CHMP7: variants seen among roughly 807,000 people sequenced by gnomAD.
CHMP7 encodes CHMP family, member 7.
Under a neutral mutation model 53.7 loss-of-function variants are expected in CHMP7, and 15 were observed. The observed-to-expected ratio is 0.28, with a 90% CI of 0.19 to 0.43. CHMP7 has a LOEUF of 0.43. Among genes scored for constraint, CHMP7 ranks in the 20% least tolerant of loss-of-function variants. CHMP7 has a pLI of 1.00. For missense variants in CHMP7, 527 were observed against 569.4 expected, an observed-to-expected ratio of 0.93 and a Z score of 0.76; for synonymous variants, 261 against 228.0, an observed-to-expected ratio of 1.14 and a Z score of -1.30.
intron 9 of CHMP7, 143 bp downstream of exon 9, chr8:23,259,269 C>T (rs1346477363): frequency 2.3e-5 from 11 of 468,802 alleles, no homozygotes; most frequent in Middle Eastern, 1.3e-3. Context: ...CCCGGGTTCA[C>T]GCCATTCTCC....
chr8:23,245,639 G>A (rs1315714493), intron 1 of CHMP7, among the ~76,000 whole-genome samples: 1 of 152,148 alleles, frequency 6.6e-6, no homozygotes, highest in Non-Finnish European at 1.5e-5. Context: ...TGCCTCATAG[G>A]ATCAGTTGGG....
At chr8:23,244,531 T>C (rs1267031187) in intron 1 of CHMP7, among the ~76,000 whole-genome samples, 2 of 152,240 alleles carry the variant, frequency 1.3e-5, no homozygotes, top group Non-Finnish European at 2.9e-5. Flanking sequence ...TACCACACTA[T>C]CTTGATTACT....
rs76900911 is a variant in CHMP7, at chr8:23,250,583, C to A, written c.471+1202C>A. Among the ~76,000 whole-genome samples, 37 of 151,374 alleles carry A rather than the reference C, an allele frequency of 2.4e-4. 1 individual carries two copies. In the East Asian group the frequency reaches 6.8e-3, roughly 28 times the overall value. Reference sequence around the variant, plus strand: ...TGGTGCAGACCTGCTTCAACCACCCCCTCCACCCAGACTGCTGTGGATGAG... The same window carrying A: ...TGGTGCAGACCTGCTTCAACCACCCACTCCACCCAGACTGCTGTGGATGAG... On this transcript the variant is annotated intron_variant, in intron 3 of 10. Transcript: ENST00000397677.
rs1401494644 is a variant in CHMP7, at chr8:23,249,245, C to A, written c.335C>A (p.Ala112Asp). The A allele has an allele frequency of 1.2e-6, 2 of 1,604,418 alleles. No homozygotes were observed. The highest frequency in any genetic ancestry group is 1.1e-5 in the South Asian group (1 of 89,844). Residue 112 changes from alanine to aspartate, a missense_variant, in exon 3 of 11, where the codon GCC becomes GAC. Ala to Asp is a moderately radical substitution (Grantham distance 126, BLOSUM62 -2). Coordinates refer to ENST00000397677, the MANE Select transcript of CHMP7 (RefSeq NM_152272.5). ...CTGCAGCGGGAGTCAGACTTCATGG[C>A]CAGTGTAGACAGCAGCTGGATCTCC... ...GELQRESDFM[A>D]SVDSSWISWG...
At chr8:23,245,766 G>A (rs556275759) in intron 1 of CHMP7, among the ~76,000 whole-genome samples, 1 of 152,274 alleles carries the variant, frequency 6.6e-6, no homozygotes, top group African/African-American at 2.4e-5. Flanking sequence ...TGCTTTCTGT[G>A]TGGATGTTGT....
intron 2 of CHMP7, among the ~76,000 whole-genome samples, chr8:23,247,771 A>G (rs1801765475): frequency 6.6e-6 from 1 of 152,190 alleles, no homozygotes; most frequent in Non-Finnish European, 1.5e-5. Flanking sequence ...TTACACAGCT[A>G]GTTAAAGGTG....
intron 3 of CHMP7, among the ~76,000 whole-genome samples, chr8:23,250,321 C>T (rs1801871224): frequency 6.6e-6 from 1 of 152,012 alleles, no homozygotes; most frequent in Non-Finnish European, 1.5e-5. Context: ...TAGTGTCCTT[C>T]CTCTGCCTCT....
chr8:23,259,282 C>T (rs549209942), intron 9 of CHMP7, among the ~76,000 whole-genome samples, 156 bp downstream of exon 9: 2 of 148,940 alleles, frequency 1.3e-5, no homozygotes, highest in Admixed American at 1.3e-4. Context: ...CATTCTCCTG[C>T]CTCAGCCTCC....
At position 23,251,467 on chromosome 8, in the gene CHMP7, A is replaced by G. The variant is rs542139718; in HGVS notation, c.471+2086A>G. ...TTGTCAACTCTAGTTCTTCCTGAAA[A>G]TCTTATTCACTTGTTTCTTGTCTGT... On this transcript the variant is annotated intron_variant, in intron 3 of 10. Transcript: ENST00000397677. Among the ~76,000 whole-genome samples, 7 of 152,262 alleles carry G rather than the reference A, an allele frequency of 4.6e-5. No homozygotes were observed. In the East Asian group the frequency reaches 1.3e-3, roughly 29 times the overall value.
rs529329624 is a variant in CHMP7 at position 23,258,635 on chromosome 8, A to T, written c.961-97A>T. On this transcript the variant is annotated intron_variant, in intron 7 of 10. Coordinates refer to ENST00000397677, the MANE Select transcript of CHMP7 (RefSeq NM_152272.5). ...GGGTAAATTGAGCTTGGGTGCCAAA[A>T]AAAACACCCCAAAGCTGCCTTTTGG... is the stretch of plus-strand genomic sequence containing the variant. 2.4e-6 allele frequency: 3 copies of T among 1,238,554 alleles called. No homozygotes were observed. The South Asian group carries it at 3.9e-5, about 16-fold the overall frequency. The allele number at this position is 1,238,554 out of a possible 1,614,324, so 76.7% of individuals were successfully genotyped here. A position where few individuals can be genotyped will look rare whatever the true frequency, so the allele number is the denominator to read the frequency against.
chr8:23,256,704 T>TTTTTC lies in CHMP7; in HGVS notation c.791+111_791+112insTTTTC. 8.6e-6 allele frequency: 7 copies of TTTTTC among 818,644 alleles called. No individual in the cohort carries two copies. The South Asian group carries it at 1.4e-4, about 17-fold the overall frequency. The allele number at this position is 818,644 out of a possible 1,614,324, so 50.7% of individuals were successfully genotyped here. ...AAAATAGGTGGGTTTTTTTTTTTTT[T>TTTTTC]AGCTAATTACAAAAGTACTCACTGC... On this transcript the variant is annotated intron_variant, in intron 5 of 10. Transcript: ENST00000397677.
At chr8:23,258,679 T>C (rs1802237833) in intron 7 of CHMP7, 53 bp from the exon 8 acceptor site, 7 of 1,349,082 alleles carry the variant, frequency 5.2e-6, no homozygotes, top group African/African-American at 1.4e-5. Flanking sequence ...CAATATTGTA[T>C]GTATTTTGCC....
At chr8:23,248,261 T>C (rs1447840288) in intron 2 of CHMP7, 2 of 450,960 alleles carry the variant, frequency 4.4e-6, no homozygotes, top group African/African-American at 4.0e-5. Context: ...ATCTTCCACT[T>C]CCAATTCAGA....
chr8:23,257,738 C>A (rs1267238771), intron 5 of CHMP7, among the ~76,000 whole-genome samples: 1 of 152,214 alleles, frequency 6.6e-6, no homozygotes. Context: ...TTAACAGTTC[C>A]TTCCCTGTCT....
chr8:23,258,880 A>G (rs1802249941), intron 8 of CHMP7, 50 bp downstream of exon 8: 2 of 1,303,520 alleles, frequency 1.5e-6, no homozygotes, highest in South Asian at 1.2e-5. Context: ...GTGACAGAGG[A>G]CAGATTTGAC....
intron 3 of CHMP7, chr8:23,254,822 C>A (rs1802062439): frequency 4.0e-6 from 1 of 249,558 alleles, no homozygotes; most frequent in Non-Finnish European, 7.9e-6. Context: ...TTCATCCACC[C>A]TCTTCAGAGA....
chr8:23,260,283 A>G lies in CHMP7; in HGVS notation c.1260A>G (p.Glu420=). The G allele has an allele frequency of 6.2e-7, 1 of 1,614,196 alleles. No individual in the cohort carries two copies. The highest frequency in any genetic ancestry group is 8.5e-7 in the Non-Finnish European group (1 of 1,180,016). Residue 420 remains glutamate (E), a synonymous_variant, in exon 10 of 11, where the codon GAA becomes GAG. Transcript: ENST00000397677. Reference sequence around the variant, plus strand: ...CTAACCCTAGGATCTCAGATGCTGAACTTGAAGCTGAACTTGAGAAACTGT... The same window carrying G: ...CTAACCCTAGGATCTCAGATGCTGAGCTTGAAGCTGAACTTGAGAAACTGT... The part of the protein sequence containing the change: ...SVPNPRISDA[E]LEAELEKLSL...
At chr8:23,250,257 C>T (rs751284165) in intron 3 of CHMP7, among the ~76,000 whole-genome samples, 14 of 152,106 alleles carry the variant, frequency 9.2e-5, no homozygotes, top group Non-Finnish European at 1.5e-4. Context: ...GTTTTCTGTC[C>T]TCTTACCCCA....
At chr8:23,247,675 G>C (rs755346613) in intron 2 of CHMP7, among the ~76,000 whole-genome samples, 2 of 152,168 alleles carry the variant, frequency 1.3e-5, no homozygotes, top group Non-Finnish European at 2.9e-5. Flanking sequence ...GACCCACTCA[G>C]CGGTCTTGTG....
Sources: gnomAD v4.1 joint callset for allele counts (sites outside exome capture counted in the v4.1 genomes callset) on GRCh38, gnomAD v4.1.1 for gene constraint, MANE v1.5 for transcripts, NCBI Gene and HGNC (gene_info 2026-07-23, HGNC 2026-07-21) for gene names.